The following ABCA3 variants were observed in gnomAD, a reference collection of about 807,000 sequenced individuals.
The protein encoded by ABCA3 is ATP binding cassette subfamily A member 3, also known as phospholipid-transporting ATPase ABCA3.
ABCA3 carries 88 observed loss-of-function variants against 172.8 expected under a neutral mutation model. The ratio of observed to expected loss-of-function variants is 0.51; its 90% CI spans 0.43 to 0.61. ABCA3 has a LOEUF of 0.61. Ranked by LOEUF, ABCA3 falls within the 20% of genes least tolerant of loss-of-function variation. The pLI, the probability that ABCA3 is intolerant of heterozygous loss-of-function variation, is 0.00. For missense variants in ABCA3, 2,164 were observed against 2,301.0 expected, an observed-to-expected ratio of 0.94 and a Z score of 1.22; for synonymous variants, 1,066 against 983.8, an observed-to-expected ratio of 1.08 and a Z score of -1.56.
intron 10 of ABCA3, among the ~76,000 whole-genome samples, chr16:2,309,909 C>T (rs1002819485): frequency 3.3e-5 from 5 of 152,078 alleles, no homozygotes; most frequent in Admixed American, 2.6e-4. Flanking sequence ...TCTGAGCCAC[C>T]GTGCCCAGCC....
chr16:2,318,931 A>G (rs1005940450), intron 8 of ABCA3, among the ~76,000 whole-genome samples: 5 of 151,144 alleles, frequency 3.3e-5, no homozygotes, highest in Non-Finnish European at 5.9e-5. Flanking sequence ...TATTTGTTTG[A>G]TCTGTGTATC....
chr16:2,328,521 G>A lies in ABCA3; in HGVS notation c.-95C>T. ...GCAACCCGCAGGAAATAGGAGAAACGTGCTCTGAAAACTGAGTGTAAAGAG... is the reference window on the plus strand; with the variant it reads ...GCAACCCGCAGGAAATAGGAGAAACATGCTCTGAAAACTGAGTGTAAAGAG... On this transcript the variant is annotated 5_prime_UTR_variant, in exon 3 of 33. It adds an upstream start codon to the 5' untranslated region. Transcript: ENST00000301732. The A allele has an allele frequency of 1.9e-6, 1 of 514,462 alleles. No individual in the cohort carries two copies. The allele number at this position is 514,462 out of a possible 1,614,324, so 31.9% of individuals were successfully genotyped here.
In ABCA3 at chr16:2,300,141, T is replaced by C. The variant is rs747668838; in HGVS notation, c.1475A>G (p.Tyr492Cys). ...QPWYFFIMPSYWCGKPRAVAG... is the reference protein window; with the variant it reads ...QPWYFFIMPSCWCGKPRAVAG... ...AACCGCCCTTGGCTTCCCACACCAA[T>C]AGGAGGGCTGGGAGGGAAGCAGACA... Residue 492 changes from tyrosine to cysteine, a missense_variant, in exon 13 of 33, where the codon TAT becomes TGT. Physicochemically the swap from Tyr to Cys is radical, Grantham distance 194. Around this residue, in one of 3 missense-constraint regions of ABCA3, gnomAD observed 1,343 missense variants for 1,369.6 expected, o/e 0.98. Transcript: ENST00000301732. 1.9e-5 allele frequency: 31 copies of C among 1,613,070 alleles called. No individual in the cohort carries two copies. The highest frequency in any genetic ancestry group is 8.4e-5 in the Admixed American group (5 of 59,848).
rs369060359 is a variant in ABCA3 at position 2,326,236 on chromosome 16, C to G, written c.93G>C (p.Leu31=). ...TGAGGATCCCAGAAAACAGCAATGG[C>G]AGGAAGAGTTCCAGGACCGTCACCA... ...KVLVTVLELF[L]PLLFSGILIW... The change falls in exon 5 of 33, where the codon CTG becomes CTC. Residue 31 remains leucine (L), a synonymous_variant. Coordinates refer to ENST00000301732, the MANE Select transcript of ABCA3 (RefSeq NM_001089.3). The G allele has an allele frequency of 5.0e-6, 8 of 1,613,732 alleles. No individual in the cohort carries two copies. The highest frequency in any genetic ancestry group is 6.8e-6 in the Non-Finnish European group (8 of 1,180,040).
chr16:2,280,662 A>T (rs2093653595), intron 28 of ABCA3, among the ~76,000 whole-genome samples: 2 of 152,212 alleles, frequency 1.3e-5, no homozygotes, highest in South Asian at 4.1e-4. Flanking sequence ...GCTCAGCTCA[A>T]CATGGGAAAG....
chr16:2,324,886 G>A (rs1018040303), intron 5 of ABCA3, among the ~76,000 whole-genome samples: 4 of 152,158 alleles, frequency 2.6e-5, no homozygotes, highest in African/African-American at 9.7e-5. Context: ...CCAGAATGGT[G>A]TGTTTTTACA....
intron 20 of ABCA3, among the ~76,000 whole-genome samples, chr16:2,288,884 G>T (rs2093667385): frequency 6.6e-6 from 1 of 152,086 alleles, no homozygotes; most frequent in Non-Finnish European, 1.5e-5. Context: ...TAGAGGACCA[G>T]CTGCCATCCC....
Position 2,278,121 on chromosome 16 carries a change from C to A in ABCA3, c.4719-52G>T. Reference sequence around the variant, plus strand: ...GGGCTTGGGGTGCCAAAGGCTTGTGCAGACAGGAAGGCATTGGCTCTCCGA... The same window carrying A: ...GGGCTTGGGGTGCCAAAGGCTTGTGAAGACAGGAAGGCATTGGCTCTCCGA... On this transcript the variant is annotated intron_variant, in intron 30 of 32. Coordinates refer to ENST00000301732, the MANE Select transcript of ABCA3 (RefSeq NM_001089.3). The surrounding 1 kb of genome is among the most constrained non-coding windows in gnomAD (Gnocchi z 4.4). The A allele has an allele frequency of 1.2e-6, 2 of 1,609,774 alleles. No individual in the cohort carries two copies. Among genetic ancestry groups the A allele is most frequent in the Non-Finnish European group, 1.7e-6 (2 of 1,178,560 alleles).
intron 32 of ABCA3, 29 bp from the exon 33 acceptor site, chr16:2,276,834 G>T: frequency 6.2e-7 from 1 of 1,613,006 alleles, no homozygotes; most frequent in South Asian, 1.1e-5. Flanking sequence ...TCACTGGTAG[G>T]AGAGAACAGG....
intron 5 of ABCA3, among the ~76,000 whole-genome samples, chr16:2,325,229 C>T (rs555003857): frequency 3.4e-3 from 522 of 152,366 alleles, no homozygotes; most frequent in Non-Finnish European, 5.3e-3. Context: ...CACGGTCAAA[C>T]TGTGCCCTGC....
rs78941105 is a variant in ABCA3 at position 2,285,202 on chromosome 16, T to C, written c.3484-204A>G. Among the ~76,000 whole-genome samples, 1,978 of 152,304 alleles carry C rather than the reference T, an allele frequency of 0.013. 45 individuals are homozygous for C. The highest frequency in any genetic ancestry group is 0.045 in the African/African-American group (1,882 of 41,582). On this transcript the variant is annotated intron_variant, in intron 23 of 32. Transcript: ENST00000301732. The surrounding 1 kb of genome is among the most constrained non-coding windows in gnomAD (Gnocchi z 4.7). ...CTGTCCCAGTTTCCCCTCGTCCCCTTGCACCCGGAGCTGTAACCAGGATGG... is the reference window on the plus strand; with the variant it reads ...CTGTCCCAGTTTCCCCTCGTCCCCTCGCACCCGGAGCTGTAACCAGGATGG...
chr16:2,321,605 G>A (rs2093726211), intron 7 of ABCA3, among the ~76,000 whole-genome samples: 1 of 152,064 alleles, frequency 6.6e-6, no homozygotes, highest in African/African-American at 2.4e-5. Flanking sequence ...TGACAGCTAA[G>A]CCTAGTCCTG....
At chr16:2,325,476 G>A (rs964073443) in intron 5 of ABCA3, among the ~76,000 whole-genome samples, 1 of 152,186 alleles carries the variant, frequency 6.6e-6, no homozygotes, top group Non-Finnish European at 1.5e-5. Context: ...CTCAGCCGCC[G>A]AGAAGAGATT....
At position 2,300,044 on chromosome 16, in the gene ABCA3, C is replaced by G. The variant is rs779497726; in HGVS notation, c.1572G>C (p.Glu524Asp). 33 of 1,613,434 alleles carry G rather than the reference C, an allele frequency of 2.0e-5. No individual in the cohort carries two copies. In the South Asian group the frequency reaches 3.2e-4, roughly 16 times the overall value. ...TGATCTTGATCCCCGCCACCAGGTC[C>G]TCTGGCTCGGCTTCAAAGTACTCGT... ...LRNEYFEAEP[E>D]DLVAGIKIKH... The change falls in exon 13 of 33, where the codon GAG becomes GAC. Residue 524 changes from glutamate to aspartate, a missense_variant. Around this residue, in one of 3 missense-constraint regions of ABCA3, gnomAD observed 1,343 missense variants for 1,369.6 expected, o/e 0.98. Coordinates refer to ENST00000301732, the MANE Select transcript of ABCA3 (RefSeq NM_001089.3).
rs575419471 is a variant in ABCA3 at position 2,284,470 on chromosome 16, G to C, written c.3704-33C>G. 12 of 1,612,864 alleles carry C rather than the reference G, an allele frequency of 7.4e-6. No homozygotes were observed. The Admixed American group carries it at 2.0e-4, about 27-fold the overall frequency. ...GGGGAGGTAAGATCAGTCTGCGCTG[G>C]AGGGCACACCACACCCACCTCCAGG... On this transcript the variant is annotated intron_variant, in intron 24 of 32. Coordinates refer to ENST00000301732, the MANE Select transcript of ABCA3 (RefSeq NM_001089.3). This position sits in a 1 kb window ranked among gnomAD's most constrained non-coding sequence, Gnocchi z 5.9.
Position 2,299,389 on chromosome 16 carries a change from C to G in ABCA3, c.1741+14G>C. The stretch of plus-strand genomic sequence containing the variant: ...GCCTGCTGGTGGCAGGGGCGTGAGG[C>G]GCCTGGCCCTCACCTGTGAGCATGG... On this transcript the variant is annotated intron_variant, in intron 14 of 32. Coordinates refer to ENST00000301732, the MANE Select transcript of ABCA3 (RefSeq NM_001089.3). The G allele has an allele frequency of 5.6e-6, 9 of 1,613,014 alleles. No individual in the cohort carries two copies. The highest frequency in any genetic ancestry group is 6.8e-6 in the Non-Finnish European group (8 of 1,179,876).
intron 5 of ABCA3, 84 bp downstream of exon 5, chr16:2,325,926 C>T (rs564003573): frequency 3.1e-5 from 50 of 1,590,108 alleles, no homozygotes; most frequent in Middle Eastern, 4.3e-4. Context: ...CCAGCTGCTT[C>T]GCACATCCTG....
chr16:2,318,120 G>A (rs1000798963), intron 8 of ABCA3, among the ~76,000 whole-genome samples: 7 of 152,210 alleles, frequency 4.6e-5, no homozygotes, highest in Non-Finnish European at 7.3e-5. Context: ...GGGGTGGGCC[G>A]AAAGACCCTG....
intron 1 of ABCA3, chr16:2,332,526 AC>A: frequency 1.0e-6 from 1 of 996,578 alleles, no homozygotes; most frequent in Non-Finnish European, 1.6e-6. Context: ...GGGCCACATG[AC>A]CACCACCCTC....
Sources: allele counts gnomAD v4.1 joint callset (sites outside exome capture counted in the v4.1 genomes callset), GRCh38; gene constraint gnomAD v4.1.1; regional missense constraint gnomAD v4.1.1; non-coding constraint Gnocchi (gnomAD v3.1); transcripts MANE v1.5; gene names NCBI Gene and HGNC (gene_info 2026-07-23, HGNC 2026-07-21).